Variants in NTM observed in about 807,000 individuals in gnomAD.
The protein encoded by NTM is IgLON family member 2.
NTM carries 13 observed loss-of-function variants against 42.1 expected under a neutral mutation model. The observed-to-expected ratio is 0.31, with a 90% CI of 0.20 to 0.49. The LOEUF (loss-of-function observed/expected upper bound fraction) is 0.49. Ranked by LOEUF, NTM falls within the 20% of genes least tolerant of loss-of-function variation. The pLI is 0.99. For missense variants in NTM, 373 were observed against 452.8 expected, an observed-to-expected ratio of 0.82 and a Z score of 1.60; for synonymous variants, 187 against 179.2, an observed-to-expected ratio of 1.04 and a Z score of -0.35.
chr11:131,733,476 TTCC>T (rs2079973474), intron 1 of NTM, among the ~76,000 whole-genome samples: 1 of 136,114 alleles, frequency 7.3e-6, no homozygotes, highest in African/African-American at 2.8e-5. Context: ...CCTTCCTTCC[TTCC>T]TTCCTTCCTT....
At chr11:131,404,185 C>T (rs754189840) in intron 1 of NTM, among the ~76,000 whole-genome samples, 6 of 152,092 alleles carry the variant, frequency 3.9e-5, no homozygotes, top group South Asian at 2.1e-4. Flanking sequence ...TTTCAGCACT[C>T]GCACTTCCGC....
chr11:132,120,957 C>T (rs949594475), intron 2 of NTM, among the ~76,000 whole-genome samples: 1 of 152,060 alleles, frequency 6.6e-6, no homozygotes. Context: ...CACGTACACT[C>T]GTGATTTTTC....
chr11:132,152,091 A>G (rs1347992366), intron 3 of NTM, among the ~76,000 whole-genome samples: 1 of 152,246 alleles, frequency 6.6e-6, no homozygotes, highest in Non-Finnish European at 1.5e-5. Context: ...GCTACACCCT[A>G]GAGACCCCTC....
rs569354732 is a variant in NTM, at chr11:131,495,837, G to A, written c.82+124949G>A. 7.9e-4 allele frequency among the ~76,000 whole-genome samples: 121 copies of A among 152,334 alleles called. 1 individual carries two copies. The highest frequency in any genetic ancestry group is 9.7e-4 in the East Asian group (5 of 5,172). On this transcript the variant is annotated intron_variant, in intron 1 of 8. Coordinates refer to ENST00000683400, the MANE Select transcript of NTM (RefSeq NM_001352005.2). The stretch of plus-strand genomic sequence containing the variant: ...CAGCCAACCCTAACTGATTGCTTCC[G>A]CAGGGAATGTGCACAATGATACATT...
At chr11:132,075,484 A>G (rs1181836171) in intron 2 of NTM, among the ~76,000 whole-genome samples, 1 of 146,246 alleles carries the variant, frequency 6.8e-6, no homozygotes, top group Non-Finnish European at 1.5e-5. Context: ...TTGATTTTGC[A>G]TTTCTAAGGT....
intron 2 of NTM, among the ~76,000 whole-genome samples, chr11:132,031,496 G>A (rs1225751939): frequency 6.6e-6 from 1 of 152,180 alleles, no homozygotes; most frequent in Non-Finnish European, 1.5e-5. Flanking sequence ...TTCAGGTAGA[G>A]TTTCGAGAAT....
intron 3 of NTM, among the ~76,000 whole-genome samples, chr11:132,166,990 C>T (rs1464628317): frequency 2.6e-5 from 4 of 152,220 alleles, no homozygotes; most frequent in Non-Finnish European, 5.9e-5. Flanking sequence ...ATCTCCCACT[C>T]ATGCAGTTAG....
chr11:131,838,472 T>G (rs2136641799), intron 1 of NTM, among the ~76,000 whole-genome samples: 1 of 152,298 alleles, frequency 6.6e-6, no homozygotes, highest in South Asian at 2.1e-4. Flanking sequence ...TGTTGCAAAT[T>G]GCTAAATCCC....
At chr11:131,789,721 TGGA>T (rs2090579038) in intron 1 of NTM, among the ~76,000 whole-genome samples, 1 of 142,506 alleles carries the variant, frequency 7.0e-6, no homozygotes, top group African/African-American at 2.5e-5. Context: ...CTTTGGGAGG[TGGA>T]GGCAGGCGGA....
At chr11:131,757,261 T>G (rs565563515) in intron 1 of NTM, among the ~76,000 whole-genome samples, 1 of 152,346 alleles carries the variant, frequency 6.6e-6, no homozygotes, top group South Asian at 2.1e-4. Flanking sequence ...GTCTTAGGCC[T>G]GATGGAGATG....
chr11:131,499,310 G>A (rs889244777), intron 1 of NTM, among the ~76,000 whole-genome samples: 2 of 151,996 alleles, frequency 1.3e-5, no homozygotes, highest in Non-Finnish European at 2.9e-5. Context: ...TCAGAGCCTC[G>A]GCTTCCTAAT....
At position 132,002,519 on chromosome 11, in the gene NTM, A is replaced by G. The variant is rs952803007; in HGVS notation, c.167+90871A>G. On this transcript the variant is annotated intron_variant, in intron 2 of 8. Coordinates refer to ENST00000683400, the MANE Select transcript of NTM (RefSeq NM_001352005.2). This position sits in a 1 kb window ranked among gnomAD's most constrained non-coding sequence, Gnocchi z 4.5. ...CAAATACAATTACTACTCTGCAAAT[A>G]CTATGTAGAAGAATGAAATGATGTG... Among the ~76,000 whole-genome samples, 5 of 152,202 alleles carry G rather than the reference A, an allele frequency of 3.3e-5. No homozygotes were observed. The highest frequency in any genetic ancestry group is 1.2e-4 in the African/African-American group (5 of 41,440).
intron 1 of NTM, among the ~76,000 whole-genome samples, chr11:131,741,258 G>A (rs1192448572): frequency 6.6e-6 from 1 of 151,956 alleles, no homozygotes; most frequent in East Asian, 1.9e-4. Flanking sequence ...TCCAGGGGCG[G>A]TAGCCTACCC....
chr11:131,557,984 A>G (rs752868503), intron 1 of NTM, among the ~76,000 whole-genome samples: 2 of 152,166 alleles, frequency 1.3e-5, no homozygotes, highest in Non-Finnish European at 2.9e-5. Context: ...CTACCAATGA[A>G]ATGTTGTCCC....
At chr11:132,169,320 CTTTTTTTTTTTTTTTT>C (rs567723794) in intron 3 of NTM, among the ~76,000 whole-genome samples, 1,085 of 32,482 alleles carry the variant, frequency 0.033, 54 homozygotes, top group African/African-American at 0.12. Flanking sequence ...AATTTTTTTA[CTTTTTTTTTTTTTTTT>C]TTTTTTTTTT....
At chr11:132,044,012 G>A (rs920754341) in intron 2 of NTM, among the ~76,000 whole-genome samples, 1 of 150,422 alleles carries the variant, frequency 6.6e-6, no homozygotes, top group African/African-American at 2.5e-5. Context: ...GTGTATGTGT[G>A]TGTATATATG....
intron 1 of NTM, among the ~76,000 whole-genome samples, chr11:131,777,882 G>T (rs2087334135): frequency 6.6e-6 from 1 of 152,168 alleles, no homozygotes; most frequent in African/African-American, 2.4e-5. Flanking sequence ...GCCTATGGGA[G>T]TTTTTAGCTA....
chr11:131,576,474 C>T (rs2057944990), intron 1 of NTM, among the ~76,000 whole-genome samples: 1 of 152,160 alleles, frequency 6.6e-6, no homozygotes, highest in Non-Finnish European at 1.5e-5. Context: ...CGATTCTCCA[C>T]CCCCAAGATT....
chr11:131,513,838 C>T (rs1198844287), intron 1 of NTM, among the ~76,000 whole-genome samples: 1 of 152,090 alleles, frequency 6.6e-6, no homozygotes, highest in African/African-American at 2.4e-5. Flanking sequence ...TAGTGCAAGG[C>T]CCCGAGGTTA....
Sources: gnomAD v4.1 joint callset for allele counts (sites outside exome capture counted in the v4.1 genomes callset) on GRCh38, gnomAD v4.1.1 for gene constraint, Gnocchi (gnomAD v3.1) non-coding constraint, MANE v1.5 for transcripts, NCBI Gene and HGNC (gene_info 2026-07-23, HGNC 2026-07-21) for gene names.